The following CTNNA3 variants were observed in gnomAD, a reference collection of about 807,000 sequenced individuals.
CTNNA3 encodes catenin alpha-3.
CTNNA3 carries 76 observed loss-of-function variants against 95.7 expected under a neutral mutation model. That is an observed-to-expected ratio of 0.79 (90% CI 0.66 to 0.96). The LOEUF is 0.96. CTNNA3 is among the 40% of genes least tolerant of loss of function. The pLI is 0.00. For synonymous variants in CTNNA3, 431 were observed against 374.4 expected, an observed-to-expected ratio of 1.15 and a Z score of -1.74; for missense variants, 1,191 against 1,089.8, an observed-to-expected ratio of 1.09 and a Z score of -1.31.
intron 3 of CTNNA3, among the ~76,000 whole-genome samples, chr10:67,566,637 C>A (rs956761064): frequency 6.6e-6 from 1 of 151,888 alleles, no homozygotes; most frequent in African/African-American, 2.4e-5. Flanking sequence ...TCTAGAACTA[C>A]AAATACCATT....
At chr10:66,464,447 A>G (rs10822834) in intron 11 of CTNNA3, among the ~76,000 whole-genome samples, 11,913 of 152,044 alleles carry the variant, frequency 0.078, 827 homozygotes, top group East Asian at 0.27. Flanking sequence ...AGGCAGTTAC[A>G]AAATCAAAAA....
At chr10:66,742,305 G>A (rs972906030) in intron 9 of CTNNA3, among the ~76,000 whole-genome samples, 11 of 152,180 alleles carry the variant, frequency 7.2e-5, no homozygotes, top group Non-Finnish European at 1.2e-4. Context: ...GGAAATTCCC[G>A]CCTAATAAAT....
At chr10:67,302,025 AAGAAAGAAAGAAAGAAAG>A (rs1840328677) in intron 5 of CTNNA3, among the ~76,000 whole-genome samples, 2 of 40,292 alleles carry the variant, frequency 5.0e-5, no homozygotes, top group African/African-American at 1.6e-4. Flanking sequence ...GAAAGAAAGA[AAGAAAGAAAGAAAGAAAG>A]AAAGAAAGAA....
At chr10:66,893,522 T>C (rs1365066213) in intron 7 of CTNNA3, among the ~76,000 whole-genome samples, 1 of 150,876 alleles carries the variant, frequency 6.6e-6, no homozygotes, top group Non-Finnish European at 1.5e-5. Flanking sequence ...GCCAAGAGAA[T>C]ATTGTAAACA....
At chr10:67,200,559 C>T (rs1039268119) in intron 6 of CTNNA3, among the ~76,000 whole-genome samples, 1 of 152,068 alleles carries the variant, frequency 6.6e-6, no homozygotes, top group Non-Finnish European at 1.5e-5. Context: ...AAAGTGATCC[C>T]ATCTCCAAAT....
chr10:66,407,292 A>C (rs1351508503), intron 11 of CTNNA3, among the ~76,000 whole-genome samples: 1 of 152,010 alleles, frequency 6.6e-6, no homozygotes, highest in Non-Finnish European at 1.5e-5. Flanking sequence ...CACATCTAAA[A>C]AAACCTATAT....
At chr10:66,953,349 T>C (rs1848632565) in intron 7 of CTNNA3, among the ~76,000 whole-genome samples, 1 of 152,210 alleles carries the variant, frequency 6.6e-6, no homozygotes, top group Non-Finnish European at 1.5e-5. Flanking sequence ...TCTTCCCTAG[T>C]AAATGCTCAC....
chr10:67,502,116 T>C (rs1839251539), intron 5 of CTNNA3, among the ~76,000 whole-genome samples: 1 of 152,204 alleles, frequency 6.6e-6, no homozygotes, highest in Non-Finnish European at 1.5e-5. Context: ...ATACCTTTAT[T>C]GGTCTTTGAT....
intron 12 of CTNNA3, among the ~76,000 whole-genome samples, chr10:66,347,731 T>C (rs956002172): frequency 5.9e-5 from 9 of 152,136 alleles, no homozygotes; most frequent in Non-Finnish European, 1.2e-4. Flanking sequence ...AAGAAAAGAT[T>C]AGTGAATTGG....
intron 1 of CTNNA3, among the ~76,000 whole-genome samples, chr10:67,686,285 C>G (rs1840728858): frequency 6.6e-6 from 1 of 152,212 alleles, no homozygotes; most frequent in Non-Finnish European, 1.5e-5. Context: ...GTTTCAAGTA[C>G]TGTTACTATG....
intron 12 of CTNNA3, among the ~76,000 whole-genome samples, chr10:66,365,609 G>T (rs1341339016): frequency 1.3e-5 from 2 of 152,170 alleles, no homozygotes; most frequent in African/African-American, 2.4e-5. Flanking sequence ...CCATTTAGAA[G>T]TTGTAGTAGG....
At chr10:67,088,829 TA>T (rs1260139440) in intron 7 of CTNNA3, among the ~76,000 whole-genome samples, 1 of 152,076 alleles carries the variant, frequency 6.6e-6, no homozygotes, top group African/African-American at 2.4e-5. Context: ...GTTCCTGCCT[TA>T]TTATCCTATA....
chr10:66,609,066 T>G (rs1334862167), intron 10 of CTNNA3, among the ~76,000 whole-genome samples: 1 of 151,926 alleles, frequency 6.6e-6, no homozygotes, highest in East Asian at 1.9e-4. Flanking sequence ...TTATCTTTTT[T>G]TTTCTTTTTT....
At chr10:66,906,234 G>A (rs1223610727) in intron 7 of CTNNA3, among the ~76,000 whole-genome samples, 1 of 152,054 alleles carries the variant, frequency 6.6e-6, no homozygotes, top group Non-Finnish European at 1.5e-5. Flanking sequence ...TAGATATTAT[G>A]GGCTTCCTGA....
chr10:67,316,285 T>C (rs1172084805), intron 5 of CTNNA3, among the ~76,000 whole-genome samples: 1 of 152,230 alleles, frequency 6.6e-6, no homozygotes, highest in African/African-American at 2.4e-5. Flanking sequence ...GTTCAAATGC[T>C]GAGAATGGTT....
intron 13 of CTNNA3, among the ~76,000 whole-genome samples, chr10:66,223,986 C>A (rs2089121688): frequency 6.6e-6 from 1 of 151,912 alleles, no homozygotes; most frequent in African/African-American, 2.4e-5. Context: ...CACTTGAGCC[C>A]AGGAGTTCAG....
chr10:66,304,318 T>G (rs2132237227), intron 12 of CTNNA3, among the ~76,000 whole-genome samples: 1 of 152,232 alleles, frequency 6.6e-6, no homozygotes, highest in Non-Finnish European at 1.5e-5. Flanking sequence ...CAGAAAACCT[T>G]TTGGAAAACA....
intron 7 of CTNNA3, among the ~76,000 whole-genome samples, chr10:67,062,765 T>G (rs1481210246): frequency 6.6e-6 from 1 of 152,178 alleles, no homozygotes; most frequent in Non-Finnish European, 1.5e-5. Context: ...AATTTGATTC[T>G]GCTAATGAGG....
chr10:66,769,959 A>T (rs1279991529), intron 8 of CTNNA3, among the ~76,000 whole-genome samples: 1 of 152,192 alleles, frequency 6.6e-6, no homozygotes, highest in African/African-American at 2.4e-5. Context: ...CTTTCAGGAA[A>T]ACCCATCTAA....
Sources: allele counts gnomAD v4.1 joint callset (sites outside exome capture counted in the v4.1 genomes callset), GRCh38; gene constraint gnomAD v4.1.1; transcripts MANE v1.5; gene names NCBI Gene and HGNC (gene_info 2026-07-23, HGNC 2026-07-21).